The following PCTP variants were observed in gnomAD, a reference collection of about 807,000 sequenced individuals.
PCTP encodes START domain-containing protein 2.
In PCTP, 27 loss-of-function variants were observed where a neutral mutation model predicts 31.0. The observed-to-expected ratio is 0.87, with a 90% CI of 0.64 to 1.20. The LOEUF (loss-of-function observed/expected upper bound fraction) is 1.20. Ranked by LOEUF, PCTP falls within the 50% of genes most tolerant of loss-of-function variation. The pLI is 0.00. For missense variants in PCTP, 287 were observed against 268.2 expected (o/e 1.07, Z -0.49); for synonymous variants, 108 against 101.2 (o/e 1.07, Z -0.40).
intron 3 of PCTP, among the ~76,000 whole-genome samples, chr17:55,799,534 C>T (rs9892048): frequency 0.042 from 6,434 of 151,778 alleles, 443 homozygotes; most frequent in African/African-American, 0.14. Flanking sequence ...TGCAATTTGC[C>T]AGTCTGTGTC....
At chr17:55,786,500 TA>T (rs1043157294) in intron 2 of PCTP, among the ~76,000 whole-genome samples, 2 of 151,374 alleles carry the variant, frequency 1.3e-5, no homozygotes, top group African/African-American at 2.4e-5. Context: ...AAAGTATAAT[TA>T]AAAAAAAAGA....
chr17:55,797,562 C>T (rs1912225181), intron 3 of PCTP, among the ~76,000 whole-genome samples: 2 of 151,990 alleles, frequency 1.3e-5, no homozygotes, highest in African/African-American at 4.8e-5. Flanking sequence ...GGCACTTACT[C>T]ATTAAATCAT....
In PCTP at chr17:55,776,936, C is replaced by G; in HGVS notation, c.*836C>G. 1 of 987,454 alleles carries G rather than the reference C, an allele frequency of 1.0e-6. No individual in the cohort carries two copies. Among genetic ancestry groups the G allele is most frequent in the Non-Finnish European group, 1.2e-6 (1 of 831,396 alleles). The allele number at this position is 987,454 out of a possible 1,614,324, so 61.2% of individuals were successfully genotyped here. A position where few individuals can be genotyped will look rare whatever the true frequency, so the allele number is the denominator to read the frequency against. ...GTGGCAGCTAGCAAAAGCAAAGATG[C>G]TTTGTGCATAGCCTTGTGAAAAAGT... is the stretch of plus-strand genomic sequence containing the variant. On this transcript the variant is annotated 3_prime_UTR_variant, in exon 6 of 6. Coordinates refer to ENST00000268896, the MANE Select transcript of PCTP (RefSeq NM_021213.4).
chr17:55,767,929 C>G (rs1388079694), intron 2 of PCTP, among the ~76,000 whole-genome samples: 1 of 151,806 alleles, frequency 6.6e-6, no homozygotes, highest in Non-Finnish European at 1.5e-5. Flanking sequence ...CCCGTCTCTA[C>G]TAAAAATACA....
At chr17:55,831,534 G>C (rs534185540) in intron 5 of PCTP, among the ~76,000 whole-genome samples, 53 of 152,298 alleles carry the variant, frequency 3.5e-4, no homozygotes, top group African/African-American at 1.3e-3. Context: ...ATTTGCGAAA[G>C]GGTGTTACCT....
chr17:55,764,961 C>T (rs2960070), intron 1 of PCTP, among the ~76,000 whole-genome samples: 95,597 of 152,128 alleles, frequency 0.63, 35,777 homozygotes, highest in East Asian at 0.87. Flanking sequence ...TTGTAAATTG[C>T]CACCGTACAG....
chr17:55,800,623 G>C (rs916514619), intron 3 of PCTP, among the ~76,000 whole-genome samples: 1 of 152,006 alleles, frequency 6.6e-6, no homozygotes, highest in Non-Finnish European at 1.5e-5. Flanking sequence ...CCTTGCTGGT[G>C]AGGAGTTGTG....
intron 1 of PCTP, among the ~76,000 whole-genome samples, chr17:55,752,035 G>T (rs541832936): frequency 1.3e-5 from 2 of 152,268 alleles, no homozygotes; most frequent in African/African-American, 4.8e-5. Flanking sequence ...GAGTTAGGAG[G>T]ATACCTCATG....
chr17:55,851,433 G>A, the PCTP span, among the ~76,000 whole-genome samples: 5 of 152,304 alleles, frequency 3.3e-5, no homozygotes, highest in South Asian at 6.2e-4. Context: ...CAGCTAGCAC[G>A]TTGAATTGGA....
At chr17:55,784,492 T>C (rs1911679626) in intron 2 of PCTP, among the ~76,000 whole-genome samples, 1 of 152,184 alleles carries the variant, frequency 6.6e-6, no homozygotes, top group Non-Finnish European at 1.5e-5. Context: ...GAATTATTCT[T>C]CCCTAAACAA....
chr17:55,769,786 C>G, intron 2 of PCTP: 1 of 152,276 alleles, frequency 6.6e-6, no homozygotes. Flanking sequence ...CTCATTTTCC[C>G]AGCCCTGAAA....
chr17:55,849,379 T>C, the PCTP span, among the ~76,000 whole-genome samples: 3 of 152,140 alleles, frequency 2.0e-5, no homozygotes, highest in Non-Finnish European at 4.4e-5. Flanking sequence ...TTCCAGCACT[T>C]TGGGAGGCTG....
exon 4 of PCTP, chr17:55,822,905 T>A: frequency 1.0e-6 from 1 of 955,154 alleles, no homozygotes; most frequent in South Asian, 5.4e-5. Flanking sequence ...TGAGTCTTTG[T>A]TGAAACACTG....
intron 5 of PCTP, among the ~76,000 whole-genome samples, chr17:55,839,945 A>AAAAAAAAAAAAAAAC (rs1555572114): frequency 6.9e-6 from 1 of 143,902 alleles, no homozygotes. Context: ...AAAAAAAAAA[A>AAAAAAAAAAAAAAAC]AACAACTGAA....
the PCTP span, among the ~76,000 whole-genome samples, chr17:55,850,649 G>T: frequency 1.3e-5 from 2 of 152,240 alleles, no homozygotes; most frequent in Non-Finnish European, 2.9e-5. Flanking sequence ...ATGGGATGAT[G>T]ATTCTGTCAT....
intron 5 of PCTP, among the ~76,000 whole-genome samples, chr17:55,829,667 A>G (rs565358514): frequency 6.6e-6 from 1 of 150,798 alleles, no homozygotes; most frequent in South Asian, 2.1e-4. Flanking sequence ...TACTTCATCT[A>G]TACAGTTTGG....
At position 55,773,752 on chromosome 17, in the gene PCTP, T is replaced by C; in HGVS notation, c.368T>C (p.Leu123Pro). ...DYVYLRQRRD[L>P]DMEGRKIHVI... is the part of the protein sequence containing the mutation. ...GTCTACCTTCGGCAGCGGCGAGACC[T>C]GGACATGGAAGGGAGGAAGATCCAT... Residue 123 changes from leucine to proline, a missense_variant, in exon 4 of 6, where the codon CTG becomes CCG. Leu to Pro is a moderately conservative substitution (Grantham distance 98). Transcript: ENST00000268896. 1 of 1,613,738 alleles carries C rather than the reference T, an allele frequency of 6.2e-7. No individual in the cohort carries two copies. The highest frequency in any genetic ancestry group is 1.3e-5 in the African/African-American group (1 of 75,002).
chr17:55,754,161 A>G lies in PCTP; in HGVS notation c.141+2917A>G, dbSNP rs144242567. 8.1e-3 allele frequency among the ~76,000 whole-genome samples: 1,230 copies of G among 152,218 alleles called. 18 individuals are homozygous for G. Among genetic ancestry groups the G allele is most frequent in the Non-Finnish European group, 8.6e-3 (583 of 68,004 alleles). ...CAGTGTTGACACTACCTACCTGGAAATAGTGTCAGATCCCGTAGGTTGAGG... is the reference window on the plus strand; with the variant it reads ...CAGTGTTGACACTACCTACCTGGAAGTAGTGTCAGATCCCGTAGGTTGAGG... On this transcript the variant is annotated intron_variant, in intron 1 of 5. Coordinates refer to ENST00000268896, the MANE Select transcript of PCTP (RefSeq NM_021213.4).
chr17:55,752,377 C>T (rs1170761835), intron 1 of PCTP, among the ~76,000 whole-genome samples: 1 of 152,194 alleles, frequency 6.6e-6, no homozygotes, highest in East Asian at 1.9e-4. Context: ...CAAATCCAAT[C>T]TGTCAGATAT....
Sources: allele counts gnomAD v4.1 joint callset (sites outside exome capture counted in the v4.1 genomes callset), GRCh38; gene constraint gnomAD v4.1.1; transcripts MANE v1.5; gene names NCBI Gene and HGNC (gene_info 2026-07-23, HGNC 2026-07-21).